The following CCSER1 variants were observed in gnomAD, a reference collection of about 807,000 sequenced individuals.
The protein encoded by CCSER1 is serine-rich coiled-coil domain-containing protein 1.
Under a neutral mutation model 82.0 loss-of-function variants are expected in CCSER1, and 41 were observed. The ratio of observed to expected loss-of-function variants is 0.50; its 90% CI spans 0.39 to 0.65. CCSER1 has a LOEUF of 0.65. CCSER1 is among the 30% of genes least tolerant of loss of function. CCSER1 has a pLI of 0.00. For missense variants in CCSER1, 1,119 were observed against 1,064.2 expected (o/e 1.05, Z -0.72); for synonymous variants, 414 against 383.9 (o/e 1.08, Z -0.92).
chr4:91,543,311 A>T (rs1020756451), intron 10 of CCSER1, among the ~76,000 whole-genome samples: 1 of 152,160 alleles, frequency 6.6e-6, no homozygotes, highest in Non-Finnish European at 1.5e-5. Flanking sequence ...ATTTAAGGTT[A>T]ATATTGTTAT....
chr4:90,284,608 C>G (rs1729524183), intron 1 of CCSER1, among the ~76,000 whole-genome samples: 1 of 151,582 alleles, frequency 6.6e-6, no homozygotes, highest in Non-Finnish European at 1.5e-5. Context: ...ATCCTCCCAT[C>G]TTAGCTTCTG....
At chr4:90,848,236 T>C (rs1580761256) in intron 8 of CCSER1, among the ~76,000 whole-genome samples, 2 of 152,316 alleles carry the variant, frequency 1.3e-5, no homozygotes, top group East Asian at 3.9e-4. Context: ...TGTACCCTGG[T>C]TTTGTGGATC....
intron 10 of CCSER1, among the ~76,000 whole-genome samples, chr4:91,407,612 G>C (rs1233803830): frequency 2.0e-5 from 3 of 152,168 alleles, no homozygotes; most frequent in Admixed American, 6.6e-5. Context: ...GCATCATGTA[G>C]CTTCTGCTTC....
At chr4:90,631,408 C>T (rs965010725) in intron 6 of CCSER1, among the ~76,000 whole-genome samples, 2 of 152,106 alleles carry the variant, frequency 1.3e-5, no homozygotes, top group Non-Finnish European at 2.9e-5. Context: ...TACACTTTTG[C>T]TAATAAAGGT....
intron 2 of CCSER1, among the ~76,000 whole-genome samples, chr4:90,310,685 G>A (rs1735138802): frequency 6.6e-6 from 1 of 152,122 alleles, no homozygotes; most frequent in Non-Finnish European, 1.5e-5. Flanking sequence ...CAGCTGGTAA[G>A]TAGTGCAGTC....
intron 6 of CCSER1, among the ~76,000 whole-genome samples, chr4:90,665,535 A>G (rs1233081892): frequency 6.6e-6 from 1 of 151,878 alleles, no homozygotes; most frequent in Non-Finnish European, 1.5e-5. Context: ...GTTAGCCAGG[A>G]TGGTCTCGAT....
chr4:90,434,477 C>A (rs1401018674), intron 4 of CCSER1, among the ~76,000 whole-genome samples: 1 of 152,068 alleles, frequency 6.6e-6, no homozygotes, highest in Admixed American at 6.6e-5. Flanking sequence ...GGAGCCACAA[C>A]AATTACTAAA....
chr4:90,247,543 A>G (rs1721655761), intron 1 of CCSER1, among the ~76,000 whole-genome samples: 1 of 152,210 alleles, frequency 6.6e-6, no homozygotes, highest in Non-Finnish European at 1.5e-5. Context: ...TAATCAGTTA[A>G]TGTAAACATG....
intron 3 of CCSER1, among the ~76,000 whole-genome samples, chr4:90,380,541 GTTGTCCCTCAGAATACATT>G (rs1463754833): frequency 1.3e-5 from 2 of 152,146 alleles, no homozygotes; most frequent in African/African-American, 4.8e-5. Flanking sequence ...TGAAATTGCT[GTTGTCCCTCAGAATACATT>G]TAAATTGTTT....
intron 10 of CCSER1, among the ~76,000 whole-genome samples, chr4:91,568,867 A>C (rs765463215): frequency 6.6e-6 from 1 of 152,118 alleles, no homozygotes; most frequent in African/African-American, 2.4e-5. Flanking sequence ...AGCCTGGTTA[A>C]AAAATCTTGT....
chr4:91,196,178 CAAAAAAAAAA>C (rs61336014), intron 10 of CCSER1, among the ~76,000 whole-genome samples: 3 of 60,824 alleles, frequency 4.9e-5, no homozygotes, highest in Non-Finnish European at 1.3e-4. Flanking sequence ...AACAGCGAGA[CAAAAAAAAAA>C]AAAAAAAAAG....
At chr4:90,778,096 T>C (rs1404956666) in intron 7 of CCSER1, among the ~76,000 whole-genome samples, 2 of 152,208 alleles carry the variant, frequency 1.3e-5, no homozygotes, top group African/African-American at 4.8e-5. Flanking sequence ...TCCTAGACTA[T>C]TTTCCTGGAG....
chr4:91,307,542 T>C (rs1745156638), intron 10 of CCSER1, among the ~76,000 whole-genome samples: 1 of 151,998 alleles, frequency 6.6e-6, no homozygotes, highest in Admixed American at 6.6e-5. Flanking sequence ...ATACCATGGC[T>C]GACGTTTTTT....
intron 10 of CCSER1, among the ~76,000 whole-genome samples, chr4:91,551,686 C>G (rs1762166801): frequency 6.6e-6 from 1 of 151,080 alleles, no homozygotes; most frequent in Non-Finnish European, 1.5e-5. Context: ...CACACACACA[C>G]ACACACACAC....
chr4:91,227,636 A>T (rs2047658276), intron 10 of CCSER1, among the ~76,000 whole-genome samples: 1 of 151,676 alleles, frequency 6.6e-6, no homozygotes, highest in South Asian at 2.1e-4. Context: ...TGAACATAGT[A>T]TACAATAAGA....
chr4:91,052,818 TG>T (rs1743122224), intron 9 of CCSER1, among the ~76,000 whole-genome samples: 1 of 152,146 alleles, frequency 6.6e-6, no homozygotes, highest in South Asian at 2.1e-4. Context: ...AACATTATTT[TG>T]ATAGGTAAGT....
intron 9 of CCSER1, among the ~76,000 whole-genome samples, chr4:90,938,181 TAA>T (rs1259456480): frequency 1.3e-5 from 2 of 152,118 alleles, no homozygotes; most frequent in Non-Finnish European, 2.9e-5. Context: ...AATATAATAA[TAA>T]GATAATAATT....
At chr4:90,344,503 G>C (rs903114601) in intron 3 of CCSER1, among the ~76,000 whole-genome samples, 1 of 151,756 alleles carries the variant, frequency 6.6e-6, no homozygotes, top group African/African-American at 2.4e-5. Flanking sequence ...CTTACAATGG[G>C]GTTACATACC....
intron 5 of CCSER1, among the ~76,000 whole-genome samples, chr4:90,573,275 G>T (rs146183386): frequency 6.6e-6 from 1 of 152,256 alleles, no homozygotes; most frequent in African/African-American, 2.4e-5. Context: ...GTTACAGCAG[G>T]CATCTTTCTG....
Sources: allele counts gnomAD v4.1 joint callset (sites outside exome capture counted in the v4.1 genomes callset), GRCh38; gene constraint gnomAD v4.1.1; transcripts MANE v1.5; gene names NCBI Gene and HGNC (gene_info 2026-07-23, HGNC 2026-07-21).